Variants in CFH observed in about 807,000 individuals in gnomAD.
CFH encodes the protein H factor 1 (complement).
CFH carries 53 observed loss-of-function variants against 147.3 expected under a neutral mutation model. The observed-to-expected ratio is 0.36, with a 90% CI of 0.29 to 0.45. The LOEUF (loss-of-function observed/expected upper bound fraction) is 0.45, where lower values mean the gene tolerates loss of function less well. CFH is among the 20% of genes least tolerant of loss of function. The probability of loss-of-function intolerance (pLI) is 1.00; values close to 1 mark genes in which losing one functional copy is unlikely to be tolerated. For missense variants in CFH, 1,380 were observed against 1,498.0 expected, an observed-to-expected ratio of 0.92 and a Z score of 1.30; for synonymous variants, 536 against 489.4, an observed-to-expected ratio of 1.10 and a Z score of -1.26.
At chr1:196,704,588 T>A (rs1668542177) in intron 9 of CFH, among the ~76,000 whole-genome samples, 1 of 152,170 alleles carries the variant, frequency 6.6e-6, no homozygotes, top group Non-Finnish European at 1.5e-5. Context: ...CATGGGCAGA[T>A]GGGAGGCCAG....
intron 15 of CFH, among the ~76,000 whole-genome samples, chr1:196,734,116 A>T (rs1669343153): frequency 6.6e-6 from 1 of 152,104 alleles, no homozygotes; most frequent in Non-Finnish European, 1.5e-5. Flanking sequence ...ACTTCTCCAC[A>T]AGGAGAAACT....
At position 196,689,455 on chromosome 1, in the gene CFH, G is replaced by A. The variant is rs1433684781; in HGVS notation, c.1000G>A (p.Gly334Ser). The change falls in exon 8 of 22, where the codon GGT becomes AGT. Residue 334 changes from glycine (G) to serine (S), a missense_variant. By Grantham distance (56) the Gly-to-Ser change is moderately conservative. Coordinates refer to ENST00000367429, the MANE Select transcript of CFH (RefSeq NM_000186.4). ...TGATTATCCAGACATTAAACATGGA[G>A]GTCTATATCATGAGAATATGCGTAG... ...PCDYPDIKHG[G>S]LYHENMRRPY... The A allele has an allele frequency of 6.2e-7, 1 of 1,613,208 alleles. No individual in the cohort carries two copies. Among genetic ancestry groups the A allele is most frequent in the Admixed American group, 1.7e-5 (1 of 59,890 alleles).
intron 1 of CFH, among the ~76,000 whole-genome samples, chr1:196,665,734 C>T (rs548712132): frequency 6.6e-6 from 1 of 152,204 alleles, no homozygotes; most frequent in African/African-American, 2.4e-5. Context: ...CACGCCCCCA[C>T]GTAGCTGGGA....
At chr1:196,660,573 G>C (rs1666865029) in intron 1 of CFH, among the ~76,000 whole-genome samples, 1 of 152,156 alleles carries the variant, frequency 6.6e-6, no homozygotes, top group Non-Finnish European at 1.5e-5. Context: ...CTAAGATTTT[G>C]AAGATGGTAG....
intron 12 of CFH, among the ~76,000 whole-genome samples, chr1:196,725,578 T>C (rs1259495306): frequency 6.6e-6 from 1 of 152,080 alleles, no homozygotes; most frequent in Non-Finnish European, 1.5e-5. Flanking sequence ...AATAACTGAG[T>C]CTGGATGATT....
intron 9 of CFH, among the ~76,000 whole-genome samples, chr1:196,692,083 G>A (rs1485057353): frequency 6.6e-6 from 1 of 151,846 alleles, no homozygotes; most frequent in Non-Finnish European, 1.5e-5. Flanking sequence ...TGCACTATTA[G>A]TAAACAATTT....
At chr1:196,680,049 A>C (rs536353728) in intron 6 of CFH, among the ~76,000 whole-genome samples, 1 of 151,990 alleles carries the variant, frequency 6.6e-6, no homozygotes, top group South Asian at 2.1e-4. Flanking sequence ...ATCATCAAAA[A>C]CCATGTCTGG....
At chr1:196,692,806 C>CTT (rs1558163780) in intron 9 of CFH, among the ~76,000 whole-genome samples, 27 of 56,396 alleles carry the variant, frequency 4.8e-4, no homozygotes, top group African/African-American at 7.4e-4. Flanking sequence ...TTCTTTCTTT[C>CTT]TTTCTTTCTT....
intron 17 of CFH, among the ~76,000 whole-genome samples, chr1:196,738,708 T>C (rs1235564402): frequency 6.6e-6 from 1 of 152,052 alleles, no homozygotes; most frequent in African/African-American, 2.4e-5. Flanking sequence ...TGGCATTGAG[T>C]GTCTGTGGCT....
chr1:196,711,038 T>C (rs1046072931), intron 9 of CFH, among the ~76,000 whole-genome samples: 12 of 152,094 alleles, frequency 7.9e-5, no homozygotes, highest in Admixed American at 5.9e-4. Context: ...CATAATGATG[T>C]CATTTCTGTC....
chr1:196,726,634 A>T lies in CFH; in HGVS notation c.2038A>T (p.Thr680Ser). The change falls in exon 13 of 22, where the codon ACT becomes TCT. Residue 680 changes from threonine to serine, a missense_variant. Physicochemically the swap from Thr to Ser is moderately conservative, Grantham distance 58. This residue lies in a region of CFH where 830 missense variants were observed against 821.4 expected (regional missense o/e 1.01). Transcript: ENST00000367429. ...KIQCVDGEWT[T>S]LPVCIVEEST... ...TCAATGTGTTGATGGAGAGTGGACA[A>T]CTTTACCAGTGTGTATTGGTAATGT... 2.5e-6 allele frequency: 4 copies of T among 1,611,740 alleles called. No individual in the cohort carries two copies. The highest frequency in any genetic ancestry group is 3.4e-6 in the Non-Finnish European group (4 of 1,177,922).
intron 1 of CFH, among the ~76,000 whole-genome samples, chr1:196,666,349 T>G (rs1424301900): frequency 1.3e-5 from 2 of 152,208 alleles, no homozygotes; most frequent in Non-Finnish European, 2.9e-5. Flanking sequence ...AGTTTTTTAT[T>G]TCTAATTCAT....
At chr1:196,665,085 AT>A (rs1667036479) in intron 1 of CFH, among the ~76,000 whole-genome samples, 1 of 151,466 alleles carries the variant, frequency 6.6e-6, no homozygotes, top group African/African-American at 2.4e-5. Context: ...TCTTTTAATT[AT>A]TGGTAATGGT....
intron 17 of CFH, among the ~76,000 whole-genome samples, chr1:196,739,962 G>T (rs905798006): frequency 6.6e-6 from 1 of 152,118 alleles, no homozygotes; most frequent in Admixed American, 6.5e-5. Context: ...CTGGTGGAAG[G>T]GTAAGCAAAC....
intron 11 of CFH, among the ~76,000 whole-genome samples, chr1:196,717,702 A>T (rs1391062729): frequency 6.6e-6 from 1 of 152,098 alleles, no homozygotes; most frequent in Non-Finnish European, 1.5e-5. Context: ...AAGAAAAAAG[A>T]TGGAAGACAC....
intron 1 of CFH, among the ~76,000 whole-genome samples, chr1:196,660,857 T>G (rs929873856): frequency 2.0e-5 from 3 of 152,222 alleles, no homozygotes; most frequent in African/African-American, 7.2e-5. Context: ...AATCAAGAAT[T>G]AGGGGCACAA....
intron 10 of CFH, among the ~76,000 whole-genome samples, chr1:196,714,659 A>ATGTATATATATGTG (rs1668813776): frequency 5.2e-5 from 3 of 57,366 alleles, no homozygotes; most frequent in African/African-American, 1.9e-4. Context: ...ATATATATAT[A>ATGTATATATATGTG]TATATATATA....
chr1:196,670,929 T>C (rs1482713055), intron 1 of CFH, among the ~76,000 whole-genome samples: 1 of 152,196 alleles, frequency 6.6e-6, no homozygotes, highest in Non-Finnish European at 1.5e-5. Context: ...CAATTAAACA[T>C]GTTTTATAAC....
intron 17 of CFH, among the ~76,000 whole-genome samples, chr1:196,738,804 G>T (rs747922158): frequency 1.6e-4 from 24 of 152,326 alleles, no homozygotes; most frequent in Non-Finnish European, 2.5e-4. Context: ...GCTCCACAAG[G>T]CAGTGCCTCA....
Sources: gnomAD v4.1 joint callset for allele counts (sites outside exome capture counted in the v4.1 genomes callset) on GRCh38, gnomAD v4.1.1 for gene constraint, gnomAD v4.1.1 regional missense constraint, MANE v1.5 for transcripts, NCBI Gene and HGNC (gene_info 2026-07-23, HGNC 2026-07-21) for gene names.